Variants in ZIM3 observed in about 807,000 individuals in gnomAD.
The protein encoded by ZIM3 is zinc finger protein 657.
In ZIM3, 11 loss-of-function variants were observed where a neutral mutation model predicts 12.9. The observed-to-expected ratio is 0.85, with a 90% CI of 0.54 to 1.41. The LOEUF (loss-of-function observed/expected upper bound fraction) is 1.41. Among genes scored for constraint, ZIM3 ranks in the 40% most tolerant of loss-of-function variants. The probability of loss-of-function intolerance (pLI) is 0.00; values close to 1 mark genes in which losing one functional copy is unlikely to be tolerated. For missense variants in ZIM3, 604 were observed against 557.2 expected, an observed-to-expected ratio of 1.08 and a Z score of -0.85; for synonymous variants, 205 against 198.5, an observed-to-expected ratio of 1.03 and a Z score of -0.28.
intron 1 of ZIM3, among the ~76,000 whole-genome samples, chr19:57,143,099 A>G (rs1196901347): frequency 3.9e-5 from 6 of 152,040 alleles, no homozygotes; most frequent in Admixed American, 2.0e-4. Context: ...AGGCCGAGGC[A>G]GGCGGATCAC....
In ZIM3 at chr19:57,135,383, G is replaced by A. The variant is rs141241402; in HGVS notation, c.954C>T (p.Tyr318=). The A allele has an allele frequency of 4.3e-6, 7 of 1,613,844 alleles. No homozygotes were observed. In the South Asian group the frequency reaches 6.6e-5, roughly 15 times the overall value. The change falls in exon 5 of 5, where the codon TAC becomes TAT. Residue 318 remains tyrosine (Y), a synonymous_variant. Coordinates refer to ENST00000269834, the MANE Select transcript of ZIM3 (RefSeq NM_052882.1). ...TCTGGTGTTTCACAAGATCTGACTTGTAAATGAAAGCCTTTCCACAGTCCG... is the reference window on the plus strand; with the variant it reads ...TCTGGTGTTTCACAAGATCTGACTTATAAATGAAAGCCTTTCCACAGTCCG... ...QCTDCGKAFI[Y]KSDLVKHQRI... is the part of the protein sequence containing the mutation.
chr19:57,139,188 C>G (rs1014758274), intron 2 of ZIM3, among the ~76,000 whole-genome samples: 7 of 151,532 alleles, frequency 4.6e-5, no homozygotes, highest in Non-Finnish European at 1.0e-4. Context: ...ATTAGCCAGG[C>G]ATGGTGGCAG....
chr19:57,142,526 G>T, intron 2 of ZIM3, 103 bp downstream of exon 2: 1 of 1,223,596 alleles, frequency 8.2e-7, no homozygotes, highest in Non-Finnish European at 1.2e-6. Context: ...ATGGAAGGAA[G>T]GAGGAAAATA....
At position 57,144,976 on chromosome 19, in the gene ZIM3, TAA is replaced by T. The variant is rs913604878; in HGVS notation, c.-162_-161del. On this transcript the variant is annotated 5_prime_UTR_variant, in exon 1 of 5. An upstream open reading frame in the 5' UTR loses its in-frame stop. Transcript: ENST00000269834. Reference sequence around the variant, plus strand: ...TATACTGAAAAGCTACACTAATGACTAAAACTTAATCGGCCCTCTACCCGCTG... The same window carrying T: ...TATACTGAAAAGCTACACTAATGACTAACTTAATCGGCCCTCTACCCGCTG... 4 of 152,162 alleles carry T rather than the reference TAA, an allele frequency of 2.6e-5. No individual in the cohort carries two copies. Among genetic ancestry groups the T allele is most frequent in the African/African-American group, 9.7e-5 (4 of 41,442 alleles). 9.4% of individuals were successfully genotyped at this position (152,162 alleles called of 1,614,324 possible).
chr19:57,138,345 C>T, intron 3 of ZIM3, 127 bp downstream of exon 3: 1 of 1,383,716 alleles, frequency 7.2e-7, no homozygotes, highest in South Asian at 1.2e-5. Context: ...CACCCTAGTC[C>T]CGGCTCTACA....
At position 57,136,106 on chromosome 19, in the gene ZIM3, A is replaced by G; in HGVS notation, c.242-11T>C. 1 of 1,596,264 alleles carries G rather than the reference A, an allele frequency of 6.3e-7. No individual in the cohort carries two copies. Among genetic ancestry groups the G allele is most frequent in the South Asian group, 1.1e-5 (1 of 88,890 alleles). ...TGTCCCCATTTTTTTCTAAAATGGA[A>G]TACAAAAAAATGTCCTGTGTAAAAC... is the stretch of plus-strand genomic sequence containing the variant. On this transcript the variant is annotated splice_polypyrimidine_tract_variant and intron_variant, in intron 4 of 4. Transcript: ENST00000269834.
At chr19:57,140,724 C>T (rs1048552429) in intron 2 of ZIM3, among the ~76,000 whole-genome samples, 3 of 151,618 alleles carry the variant, frequency 2.0e-5, no homozygotes, top group South Asian at 2.1e-4. Context: ...TTCCTGCCTT[C>T]GCCTCCCAAA....
chr19:57,137,819 GGAGA>G (rs1427368181), intron 3 of ZIM3, among the ~76,000 whole-genome samples: 4 of 148,436 alleles, frequency 2.7e-5, no homozygotes, highest in African/African-American at 5.0e-5. Context: ...AGAGAGGAAT[GGAGA>G]GAGGGAGGGA....
Position 57,141,192 on chromosome 19 carries a change from C to G in ZIM3, c.15+1437G>C, listed in dbSNP as rs138116129. Among the ~76,000 whole-genome samples, 1,000 of 151,866 alleles carry G rather than the reference C, an allele frequency of 6.6e-3. 4 individuals carry two copies. The highest frequency in any genetic ancestry group is 0.014 in the Middle Eastern group (4 of 294). ...GGTGGATCACCTGAGGTCAGGAGTTCGAGACCAGCCCGACCAATATGGTAA... is the reference window on the plus strand; with the variant it reads ...GGTGGATCACCTGAGGTCAGGAGTTGGAGACCAGCCCGACCAATATGGTAA... On this transcript the variant is annotated intron_variant, in intron 2 of 4. Transcript: ENST00000269834.
intron 1 of ZIM3, among the ~76,000 whole-genome samples, chr19:57,143,310 G>A (rs1444646723): frequency 1.3e-5 from 2 of 149,092 alleles, no homozygotes; most frequent in East Asian, 2.0e-4. Context: ...CAGCCTGGGC[G>A]ACAGAGCGAG....
intron 3 of ZIM3, among the ~76,000 whole-genome samples, chr19:57,137,450 T>C (rs2086891858): frequency 6.6e-6 from 1 of 151,922 alleles, no homozygotes; most frequent in South Asian, 2.1e-4. Flanking sequence ...TGGTGGTTCA[T>C]GCCTGTAATA....
At chr19:57,138,022 AGAAGGAAGGAAAGAAGGAAG>A (rs200451086) in intron 3 of ZIM3, among the ~76,000 whole-genome samples, 1 of 42,066 alleles carries the variant, frequency 2.4e-5, no homozygotes, top group Admixed American at 2.9e-4. Flanking sequence ...AAGGAAGGAA[AGAAGGAAGGAAAGAAGGAAG>A]GAAGGAAGGA....
intron 4 of ZIM3, 67 bp from the exon 5 acceptor site, chr19:57,136,162 A>C (rs1568458289): frequency 7.2e-7 from 1 of 1,395,854 alleles, no homozygotes; most frequent in Non-Finnish European, 9.8e-7. Flanking sequence ...ATAAAATGCC[A>C]TAAACAATCT....
Position 57,135,158 on chromosome 19 carries a change from A to T in ZIM3, c.1179T>A (p.Cys393Ter), listed in dbSNP as rs1224224673. 3.1e-6 allele frequency: 5 copies of T among 1,614,180 alleles called. 1 individual carries two copies. Among genetic ancestry groups the T allele is most frequent in the Middle Eastern group, 3.3e-4 (2 of 6,062 alleles). ...GAAAGAAGGCTTTTCCACATCTGTT[A>T]CATTCATAGGGCTTTTCCCCAGTAT... ...KIHTGEKPYE[C>*]NRCGKAFFQK... is the part of the protein sequence containing the mutation. Residue 393 changes from cysteine to a stop codon, truncating the protein, a stop_gained, in exon 5 of 5, where the codon TGT becomes TGA. Transcript: ENST00000269834. LOFTEE classifies it low-confidence loss of function (END_TRUNC).
At chr19:57,143,972 A>G (rs2086926491) in intron 1 of ZIM3, among the ~76,000 whole-genome samples, 1 of 152,068 alleles carries the variant, frequency 6.6e-6, no homozygotes, top group Non-Finnish European at 1.5e-5. Flanking sequence ...CACCACATCC[A>G]GCCAAGCCCA....
rs2086900397 is a variant in ZIM3, at chr19:57,138,571, C to T, written c.43G>A (p.Val15Met). ...TGCCACTCCCCCTGGGTGAAGTTCA[C>T]AGTGACATCCTCGAAGGTCACTCTT... ...QGRVTFEDVT[V>M]NFTQGEWQRL... Residue 15 changes from valine to methionine, a missense_variant, in exon 3 of 5, where the codon GTG becomes ATG. Coordinates refer to ENST00000269834, the MANE Select transcript of ZIM3 (RefSeq NM_052882.1). The T allele has an allele frequency of 1.9e-6, 3 of 1,614,054 alleles. No homozygotes were observed. The highest frequency in any genetic ancestry group is 1.3e-5 in the African/African-American group (1 of 74,926).
At chr19:57,140,352 C>T (rs1031635605) in intron 2 of ZIM3, among the ~76,000 whole-genome samples, 5 of 151,744 alleles carry the variant, frequency 3.3e-5, no homozygotes, top group Non-Finnish European at 7.4e-5. Context: ...AATTTTTGTA[C>T]TTTTAGTAGA....
chr19:57,138,447 C>T (rs745907078), intron 3 of ZIM3, 25 bp downstream of exon 3: 4 of 1,613,922 alleles, frequency 2.5e-6, no homozygotes, highest in Non-Finnish European at 2.5e-6. Flanking sequence ...GTTTTGAGTC[C>T]CCCTGCCCGG....
At position 57,135,130 on chromosome 19, in the gene ZIM3, T is replaced by G; in HGVS notation, c.1207A>C (p.Lys403Gln). 4 of 1,614,238 alleles carry G rather than the reference T, an allele frequency of 2.5e-6. No homozygotes were observed. The highest frequency in any genetic ancestry group is 3.4e-6 in the Non-Finnish European group (4 of 1,180,040). ...TTCTGATGGCTATGAAGGTTTGACTTCTGAAAGAAGGCTTTTCCACATCTG... is the reference window on the plus strand; with the variant it reads ...TTCTGATGGCTATGAAGGTTTGACTGCTGAAAGAAGGCTTTTCCACATCTG... The part of the protein sequence containing the change: ...CNRCGKAFFQ[K>Q]SNLHSHQKTH... Residue 403 changes from lysine to glutamine, a missense_variant, in exon 5 of 5, where the codon AAG becomes CAG. Physicochemically the swap from Lys to Gln is moderately conservative, Grantham distance 53. Coordinates refer to ENST00000269834, the MANE Select transcript of ZIM3 (RefSeq NM_052882.1).
Sources: allele counts gnomAD v4.1 joint callset (sites outside exome capture counted in the v4.1 genomes callset), GRCh38; gene constraint gnomAD v4.1.1; transcripts MANE v1.5; gene names NCBI Gene and HGNC (gene_info 2026-07-23, HGNC 2026-07-21).